Variants in ASIC2 observed in about 807,000 individuals in gnomAD.
The protein encoded by ASIC2 is acid-sensing ion channel 2.
In ASIC2, 25 loss-of-function variants were observed where a neutral mutation model predicts 57.3. The observed-to-expected ratio is 0.44, with a 90% CI of 0.32 to 0.61. ASIC2 has a LOEUF of 0.61. Among genes scored for constraint, ASIC2 ranks in the 20% least tolerant of loss-of-function variants. ASIC2 has a pLI of 0.06. For missense variants in ASIC2, 641 were observed against 738.1 expected (o/e 0.87, Z 1.52); for synonymous variants, 319 against 307.5 (o/e 1.04, Z -0.39).
intron 1 of ASIC2, among the ~76,000 whole-genome samples, chr17:34,012,691 T>C (rs531098650): frequency 1.3e-5 from 2 of 151,474 alleles, no homozygotes; most frequent in South Asian, 4.2e-4. Context: ...TCTCCTACTA[T>C]ATTGAACTCC....
intron 8 of ASIC2, 76 bp from the exon 9 acceptor site, chr17:33,016,115 C>T (rs1567717115): frequency 1.4e-6 from 2 of 1,447,188 alleles, no homozygotes; most frequent in Non-Finnish European, 1.9e-6. Context: ...CTCCATTGGG[C>T]CCCACTGGGG....
rs185181296 is a variant in ASIC2 at position 33,425,666 on chromosome 17, C to G, written c.556-313599G>C. Among the ~76,000 whole-genome samples the G allele has an allele frequency of 1.5e-3, 233 of 152,194 alleles. 1 individual carries two copies. Among genetic ancestry groups the G allele is most frequent in the African/African-American group, 5.3e-3 (222 of 41,522 alleles). ...TGGTGGTCAGGGAAGGTTGAGAAAA[C>G]AGAAGGGATGGGGAGAAACATAAAT... is the stretch of plus-strand genomic sequence containing the variant. On this transcript the variant is annotated intron_variant, in intron 1 of 9. Coordinates refer to the ASIC2 transcript ENST00000359872.
intron 1 of ASIC2, among the ~76,000 whole-genome samples, chr17:34,145,559 C>T (rs1912393756): frequency 6.6e-6 from 1 of 152,240 alleles, no homozygotes; most frequent in African/African-American, 2.4e-5. Context: ...CCTAGGACAA[C>T]TCCTTCTAGT....
At chr17:33,752,639 T>A (rs943841624) in intron 1 of ASIC2, among the ~76,000 whole-genome samples, 1 of 152,350 alleles carries the variant, frequency 6.6e-6, no homozygotes, top group Admixed American at 6.5e-5. Flanking sequence ...CATTTCCTTT[T>A]ATCATTGAAT....
chr17:33,398,632 T>C (rs1216532334), intron 1 of ASIC2, among the ~76,000 whole-genome samples: 1 of 152,116 alleles, frequency 6.6e-6, no homozygotes, highest in Non-Finnish European at 1.5e-5. Flanking sequence ...ATGGTGTTGG[T>C]GATGATGAAG....
At chr17:33,198,926 T>TA (rs1410882699) in intron 1 of ASIC2, among the ~76,000 whole-genome samples, 2 of 152,246 alleles carry the variant, frequency 1.3e-5, no homozygotes, top group Non-Finnish European at 2.9e-5. Flanking sequence ...TGGCTCATGA[T>TA]AACAAGCTGG....
At chr17:33,566,029 G>A (rs904927576) in intron 1 of ASIC2, 4 of 152,282 alleles carry the variant, frequency 2.6e-5, no homozygotes, top group African/African-American at 9.6e-5. Context: ...TCCTCTTGTA[G>A]CTGGGAGCAC....
chr17:33,485,926 C>T (rs1597746966), intron 1 of ASIC2, among the ~76,000 whole-genome samples: 1 of 152,348 alleles, frequency 6.6e-6, no homozygotes, highest in South Asian at 2.1e-4. Flanking sequence ...AGAACTGGCC[C>T]TGCTCTGTCT....
At chr17:33,666,918 T>C (rs1401518733) in intron 1 of ASIC2, among the ~76,000 whole-genome samples, 7 of 152,244 alleles carry the variant, frequency 4.6e-5, no homozygotes, top group African/African-American at 1.4e-4. Flanking sequence ...TTGTTTAGTA[T>C]AAGAACATCC....
intron 1 of ASIC2, among the ~76,000 whole-genome samples, chr17:33,441,437 G>T (rs913712033): frequency 6.6e-6 from 1 of 152,108 alleles, no homozygotes; most frequent in African/African-American, 2.4e-5. Context: ...CATAGTTTTA[G>T]TTCTTACATT....
intron 1 of ASIC2, among the ~76,000 whole-genome samples, chr17:33,759,936 T>TG (rs1910730006): frequency 6.6e-6 from 1 of 152,196 alleles, no homozygotes; most frequent in African/African-American, 2.4e-5. Flanking sequence ...ACTAGGGTAA[T>TG]GCCTAGTGGA....
intron 2 of ASIC2, 65 bp from the exon 3 acceptor site, chr17:33,089,055 T>C (rs2092147572): frequency 1.3e-6 from 2 of 1,598,452 alleles, no homozygotes; most frequent in Non-Finnish European, 1.7e-6. Flanking sequence ...AGTCCTGGGA[T>C]TGAAAAGCTC....
chr17:33,206,630 C>T (rs1012616279), intron 1 of ASIC2, among the ~76,000 whole-genome samples: 1 of 152,140 alleles, frequency 6.6e-6, no homozygotes, highest in Non-Finnish European at 1.5e-5. Context: ...AAGCACTCAG[C>T]TGTGTGTCCA....
intron 1 of ASIC2, among the ~76,000 whole-genome samples, chr17:34,097,375 A>G (rs1598022831): frequency 1.3e-5 from 2 of 152,256 alleles, no homozygotes; most frequent in Middle Eastern, 6.8e-3. Flanking sequence ...GGGAGAGAAG[A>G]AGATGGATTA....
intron 1 of ASIC2, among the ~76,000 whole-genome samples, chr17:34,104,400 TAAATA>T (rs1330717830): frequency 1.3e-5 from 2 of 152,136 alleles, no homozygotes; most frequent in African/African-American, 4.8e-5. Flanking sequence ...TTGAATTAAT[TAAATA>T]AAACTTTTGT....
chr17:33,401,929 T>C (rs985701727), intron 1 of ASIC2, among the ~76,000 whole-genome samples: 10 of 152,330 alleles, frequency 6.6e-5, no homozygotes, highest in African/African-American at 2.2e-4. Flanking sequence ...GCTTCAGATA[T>C]GTTTAAATGA....
At chr17:33,768,249 G>A (rs576340341) in intron 1 of ASIC2, among the ~76,000 whole-genome samples, 4 of 151,738 alleles carry the variant, frequency 2.6e-5, no homozygotes, top group Admixed American at 1.3e-4. Flanking sequence ...CTCGTGATTC[G>A]CCTGCCTCAG....
chr17:34,035,462 A>G (rs1373863517), intron 1 of ASIC2, among the ~76,000 whole-genome samples: 6 of 149,226 alleles, frequency 4.0e-5, no homozygotes, highest in African/African-American at 1.5e-4. Context: ...TATTCAGGAC[A>G]TAGGCATGGG....
At chr17:33,016,720 C>T in intron 8 of ASIC2, among the ~76,000 whole-genome samples, 1 of 152,016 alleles carries the variant, frequency 6.6e-6, no homozygotes, top group East Asian at 1.9e-4. Context: ...TCATGAACAG[C>T]CCCCTCCGAG....
Sources: allele counts gnomAD v4.1 joint callset (sites outside exome capture counted in the v4.1 genomes callset), GRCh38; gene constraint gnomAD v4.1.1; transcripts MANE v1.5; gene names NCBI Gene and HGNC (gene_info 2026-07-23, HGNC 2026-07-21).